The following PCDHA2 variants were observed in gnomAD, a reference collection of about 807,000 sequenced individuals.
PCDHA2 encodes the protein protocadherin alpha 2, also known as protocadherin alpha-2.
PCDHA2 carries 58 observed loss-of-function variants against 66.0 expected under a neutral mutation model. That is an observed-to-expected ratio of 0.88 (90% CI 0.71 to 1.09). The LOEUF is 1.09. PCDHA2 is among the 50% of genes least tolerant of loss of function. The pLI, the probability that PCDHA2 is intolerant of heterozygous loss-of-function variation, is 0.00. For missense variants in PCDHA2, 1,267 were observed against 1,242.3 expected, an observed-to-expected ratio of 1.02 and a Z score of -0.30; for synonymous variants, 634 against 554.0, an observed-to-expected ratio of 1.14 and a Z score of -2.03.
intron 1 of PCDHA2, among the ~76,000 whole-genome samples, chr5:140,941,185 C>CTT (rs782102770): frequency 2.0e-5 from 2 of 102,242 alleles, no homozygotes; most frequent in East Asian, 7.3e-4. Context: ...CATCCTGCTT[C>CTT]TTTTTTTTTC....
intron 1 of PCDHA2, among the ~76,000 whole-genome samples, chr5:140,961,023 A>G (rs1216128174): frequency 6.6e-6 from 1 of 152,146 alleles, no homozygotes. Flanking sequence ...GACACTTGCT[A>G]CCTCCTTGTT....
chr5:140,978,974 G>T lies in PCDHA2; in HGVS notation c.2414G>T (p.Arg805Leu). ...GKPRQPNPDW[R>L]YSASLRAGMH... is the part of the protein sequence containing the mutation. ...CCACGACAGCCCAACCCTGACTGGC[G>T]TTACTCTGCCTCCCTGAGAGCAGGC... Residue 805 changes from arginine to leucine, a missense_variant, in exon 2 of 4, where the codon CGT becomes CTT. Arg to Leu is a moderately radical substitution (Grantham distance 102, BLOSUM62 -2). Coordinates refer to ENST00000526136, the MANE Select transcript of PCDHA2 (RefSeq NM_018905.3). 6.2e-7 allele frequency: 1 copy of T among 1,614,130 alleles called. No individual in the cohort carries two copies. Among genetic ancestry groups the T allele is most frequent in the East Asian group, 2.2e-5 (1 of 44,882 alleles).
At chr5:140,992,999 C>G (rs1254110475) in intron 3 of PCDHA2, among the ~76,000 whole-genome samples, 4 of 152,188 alleles carry the variant, frequency 2.6e-5, no homozygotes, top group African/African-American at 9.7e-5. Flanking sequence ...CATGAAAGAG[C>G]CTCCCCAGAG....
chr5:140,928,228 C>A (rs376517088), intron 1 of PCDHA2: 2 of 1,614,218 alleles, frequency 1.2e-6, no homozygotes, highest in Admixed American at 1.7e-5. Context: ...ACCAAACTTT[C>A]CTCAACCCCA....
intron 1 of PCDHA2, among the ~76,000 whole-genome samples, chr5:140,961,630 C>A (rs1387087976): frequency 1.3e-5 from 2 of 152,136 alleles, no homozygotes; most frequent in Non-Finnish European, 2.9e-5. Context: ...ATATGAAAAA[C>A]AATCTTAAGT....
In PCDHA2 at chr5:140,888,521, C is replaced by T. The variant is rs191011552; in HGVS notation, c.2389-90428C>T. ...TAAAGAGTCTTGGACTTAGTTCTGACGTGAAGTTAAGTTGCTCAGTACCAA... is the reference window on the plus strand; with the variant it reads ...TAAAGAGTCTTGGACTTAGTTCTGATGTGAAGTTAAGTTGCTCAGTACCAA... On this transcript the variant is annotated intron_variant, in intron 1 of 3. Transcript: ENST00000526136. Among the ~76,000 whole-genome samples, 432 of 152,260 alleles carry T rather than the reference C, an allele frequency of 2.8e-3. 2 individuals carry two copies. The highest frequency in any genetic ancestry group is 0.014 in the Middle Eastern group (4 of 292).
At chr5:140,808,474 C>A in intron 1 of PCDHA2, 5 of 1,614,152 alleles carry the variant, frequency 3.1e-6, no homozygotes, top group Non-Finnish European at 4.2e-6. Flanking sequence ...CCGCGCGAGA[C>A]GGGGGCTCGC....
chr5:140,928,994 T>C, intron 1 of PCDHA2: 1 of 1,613,992 alleles, frequency 6.2e-7, no homozygotes. Context: ...TGCTTACTTT[T>C]CTTCGTGTGT....
At chr5:140,856,514 G>A in intron 1 of PCDHA2, 1 of 1,598,422 alleles carries the variant, frequency 6.3e-7, no homozygotes. Context: ...ACTAGAAGGC[G>A]CATCTGATGC....
chr5:140,835,044 G>A lies in PCDHA2; in HGVS notation c.2388+37692G>A, dbSNP rs1554134705. ...CACGGCCACCGATGGAGGCAAACCC[G>A]AGCTGACTGGCACCGTTCAATTACT... On this transcript the variant is annotated intron_variant, in intron 1 of 3. Transcript: ENST00000526136. The A allele has an allele frequency of 1.7e-5, 21 of 1,263,874 alleles. 1 individual carries two copies. The highest frequency in any genetic ancestry group is 1.9e-5 in the Non-Finnish European group (18 of 927,706). 78.3% of individuals were successfully genotyped at this position (1,263,874 alleles called of 1,614,324 possible). A position where few individuals can be genotyped will look rare whatever the true frequency, so the allele number is the denominator to read the frequency against.
In PCDHA2 at chr5:140,979,814, T is replaced by C. The variant is rs1296773498; in HGVS notation, c.2447+807T>C. 3.3e-5 allele frequency among the ~76,000 whole-genome samples: 5 copies of C among 152,232 alleles called. No homozygotes were observed. The South Asian group carries it at 8.3e-4, about 25-fold the overall frequency. On this transcript the variant is annotated intron_variant, in intron 2 of 3. Transcript: ENST00000526136. The stretch of plus-strand genomic sequence containing the variant: ...CAAATGATCACAACTATCAAAAGGA[T>C]TTAATTTTAAAGAAGAAATAATCTT...
chr5:140,815,697 T>C (rs1765780636), intron 1 of PCDHA2: 1 of 152,188 alleles, frequency 6.6e-6, no homozygotes, highest in Non-Finnish European at 1.5e-5. Flanking sequence ...AAAATACCTA[T>C]GTATTTCTGT....
At chr5:140,874,144 T>C (rs1554167057) in intron 1 of PCDHA2, among the ~76,000 whole-genome samples, 2 of 152,244 alleles carry the variant, frequency 1.3e-5, no homozygotes. Context: ...CTTATACTTG[T>C]AGAGCCATTC....
At chr5:140,802,984 C>G in intron 1 of PCDHA2, 2 of 1,614,030 alleles carry the variant, frequency 1.2e-6, no homozygotes, top group Non-Finnish European at 1.7e-6. Context: ...AAGGTGCGCG[C>G]AGTGGATGCA....
At chr5:140,840,253 T>C (rs1554137747) in intron 1 of PCDHA2, among the ~76,000 whole-genome samples, 1 of 151,988 alleles carries the variant, frequency 6.6e-6, no homozygotes, top group Non-Finnish European at 1.5e-5. Context: ...GCTATAAAAA[T>C]TGTGATTTTT....
chr5:140,990,535 A>T (rs1450949471), intron 3 of PCDHA2, among the ~76,000 whole-genome samples: 1 of 152,182 alleles, frequency 6.6e-6, no homozygotes, highest in African/African-American at 2.4e-5. Context: ...ACTGTGCATC[A>T]TAGATACTGT....
At chr5:140,803,005 A>G (rs1763087984) in intron 1 of PCDHA2, 2 of 1,614,028 alleles carry the variant, frequency 1.2e-6, no homozygotes, top group Non-Finnish European at 1.7e-6. Context: ...GACTCAGGCT[A>G]CAACGCGTGG....
At chr5:140,868,908 CTTGGTG>C in intron 1 of PCDHA2, 1 of 882,188 alleles carries the variant, frequency 1.1e-6, no homozygotes, top group Non-Finnish European at 1.7e-6. Flanking sequence ...TCGCTCTTTA[CTTGGTG>C]GAAAGTTCAT....
intron 1 of PCDHA2, among the ~76,000 whole-genome samples, chr5:140,881,897 C>T (rs2058860141): frequency 6.6e-6 from 1 of 152,146 alleles, no homozygotes; most frequent in African/African-American, 2.4e-5. Context: ...CAATTGTCAG[C>T]TAATATAAAA....
Sources: allele counts gnomAD v4.1 joint callset (sites outside exome capture counted in the v4.1 genomes callset), GRCh38; gene constraint gnomAD v4.1.1; transcripts MANE v1.5; gene names NCBI Gene and HGNC (gene_info 2026-07-23, HGNC 2026-07-21).